The following TOX3 variants were observed in gnomAD, a reference collection of about 807,000 sequenced individuals.
TOX3 encodes TOX high mobility group box family member 3.
TOX3 carries 22 observed loss-of-function variants against 64.3 expected under a neutral mutation model. The observed-to-expected ratio is 0.34, with a 90% CI of 0.24 to 0.49. TOX3 has a LOEUF of 0.49. TOX3 is among the 20% of genes least tolerant of loss of function. TOX3 has a pLI of 0.99. For missense variants in TOX3, 661 were observed against 714.4 expected (o/e 0.93, Z 0.85); for synonymous variants, 291 against 273.6 (o/e 1.06, Z -0.63).
intron 3 of TOX3, 102 bp downstream of exon 3, chr16:52,463,832 T>C (rs1259966083): frequency 3.7e-6 from 5 of 1,367,236 alleles, no homozygotes; most frequent in Non-Finnish European, 3.8e-6. Context: ...ATCAATCCAC[T>C]AGGAACAGGC....
chr16:52,465,470 GTTTT>G, intron 2 of TOX3, among the ~76,000 whole-genome samples: 1 of 104,004 alleles, frequency 9.6e-6, no homozygotes, highest in East Asian at 2.7e-4. Flanking sequence ...TTTCTTTTTG[GTTTT>G]TTTTTTTTTT....
In TOX3 at chr16:52,450,330, T is replaced by C. The variant is rs1960295443; in HGVS notation, c.625A>G (p.Thr209Ala). 1.2e-6 allele frequency: 2 copies of C among 1,613,554 alleles called. No individual in the cohort carries two copies. Among genetic ancestry groups the C allele is most frequent in the African/African-American group, 2.7e-5 (2 of 74,814 alleles). The change falls in exon 4 of 7, where the codon ACT (threonine) becomes GCT (alanine). Residue 209 changes from threonine (T) to alanine (A), a missense_variant. Thr to Ala is a moderately conservative substitution (Grantham distance 58). Transcript: ENST00000219746. ...SPSPPASKSA[T>A]PSPSSSINEE... ...TTGATGGAGCTGGAAGGGGAGGGAG[T>C]GGCTGATTTGCTTGCTGGAGGTGAA...
At chr16:52,503,795 T>A (rs577514930) in intron 1 of TOX3, among the ~76,000 whole-genome samples, 2 of 152,346 alleles carry the variant, frequency 1.3e-5, no homozygotes, top group East Asian at 3.9e-4. Context: ...ACAACATACA[T>A]GTTGTAAATT....
intron 1 of TOX3, among the ~76,000 whole-genome samples, chr16:52,491,569 A>T (rs1408774150): frequency 3.3e-5 from 5 of 152,156 alleles, no homozygotes; most frequent in Non-Finnish European, 7.3e-5. Flanking sequence ...ACCTTGTTTG[A>T]TCATCAGAGT....
intron 1 of TOX3, among the ~76,000 whole-genome samples, chr16:52,493,047 G>A (rs1961739468): frequency 6.6e-6 from 1 of 152,114 alleles, no homozygotes; most frequent in South Asian, 2.1e-4. Flanking sequence ...CACAGAGCAA[G>A]TGGACAGAAC....
chr16:52,439,210 C>T lies in TOX3; in HGVS notation c.*15G>A. 6.2e-7 allele frequency: 1 copy of T among 1,613,788 alleles called. No homozygotes were observed. The highest frequency in any genetic ancestry group is 2.2e-5 in the East Asian group (1 of 44,852). On this transcript the variant is annotated 3_prime_UTR_variant, in exon 7 of 7. Coordinates refer to ENST00000219746, the MANE Select transcript of TOX3 (RefSeq NM_001080430.4). ...CTCTCCTTGGTATACGCAAATCCGT[C>T]TGCCATATGCGTCTTCAGAAAATAC...
chr16:52,439,572 G>C lies in TOX3; in HGVS notation c.1384C>G (p.Gln462Glu). 2.6e-6 allele frequency: 4 copies of C among 1,563,218 alleles called. No individual in the cohort carries two copies. Among genetic ancestry groups the C allele is most frequent in the Non-Finnish European group, 2.6e-6 (3 of 1,146,014 alleles). The change falls in exon 7 of 7, where the codon CAG becomes GAG. Residue 462 changes from glutamine (Q) to glutamate (E), a missense_variant. Gln to Glu is a conservative substitution (Grantham distance 29, BLOSUM62 2). Transcript: ENST00000219746. ...TGCATTTGGTGCTGCTGGAGTTGCT[G>C]CTGCTGCATCTGTTGCATCTGTTGT... Reference protein sequence around the residue: ...QQQQMQQMQQQQLQQHQMHQQ... With the variant: ...QQQQMQQMQQEQLQQHQMHQQ...
intron 1 of TOX3, among the ~76,000 whole-genome samples, chr16:52,490,932 G>C (rs1239026449): frequency 6.6e-6 from 1 of 152,028 alleles, no homozygotes; most frequent in African/African-American, 2.4e-5. Flanking sequence ...CCTGGCCTAA[G>C]ATGTGATTTT....
intron 4 of TOX3, among the ~76,000 whole-genome samples, chr16:52,446,434 T>C (rs553811627): frequency 6.6e-6 from 1 of 152,318 alleles, no homozygotes; most frequent in African/African-American, 2.4e-5. Context: ...CCCAGAAGTA[T>C]CTTCAATACG....
chr16:52,471,668 C>A (rs1961048429), intron 1 of TOX3, among the ~76,000 whole-genome samples: 1 of 152,124 alleles, frequency 6.6e-6, no homozygotes, highest in African/African-American at 2.4e-5. Flanking sequence ...AACTTCAATG[C>A]CTCCTAATCG....
intron 1 of TOX3, among the ~76,000 whole-genome samples, chr16:52,537,878 T>TAAAAAAAAAAAAAAAA (rs57403617): frequency 9.0e-6 from 1 of 111,026 alleles, no homozygotes; most frequent in African/African-American, 3.3e-5. Flanking sequence ...GCTGATATGA[T>TAAAAAAAAAAAAAAAA]AAAAAAAAAA....
At position 52,532,005 on chromosome 16, in the gene TOX3, A is replaced by G. The variant is rs58035650; in HGVS notation, c.87+14632T>C. Among the ~76,000 whole-genome samples, 777 of 152,242 alleles carry G rather than the reference A, an allele frequency of 5.1e-3. 2 individuals carry two copies. The highest frequency in any genetic ancestry group is 0.018 in the African/African-American group (751 of 41,540). Reference sequence around the variant, plus strand: ...GGCACTGAAAAAAACAGAAATTCAAAGGGGAGTTTGGGGGGCAGTGGGGAT... The same window carrying G: ...GGCACTGAAAAAAACAGAAATTCAAGGGGGAGTTTGGGGGGCAGTGGGGAT... On this transcript the variant is annotated intron_variant, in intron 1 of 6. Coordinates refer to ENST00000219746, the MANE Select transcript of TOX3 (RefSeq NM_001080430.4).
chr16:52,444,466 C>G (rs1045090409), intron 5 of TOX3, 110 bp from the exon 6 acceptor site: 5 of 845,156 alleles, frequency 5.9e-6, no homozygotes, highest in Middle Eastern at 5.4e-4. Context: ...AAAGGTTGGT[C>G]TCCTTGGCTT....
chr16:52,523,662 T>C (rs1962662443), intron 1 of TOX3, among the ~76,000 whole-genome samples: 1 of 152,220 alleles, frequency 6.6e-6, no homozygotes, highest in Non-Finnish European at 1.5e-5. Flanking sequence ...TGGGGATTTA[T>C]ATACTGCAAA....
At chr16:52,502,700 C>T (rs1390597845) in intron 1 of TOX3, among the ~76,000 whole-genome samples, 7 of 152,140 alleles carry the variant, frequency 4.6e-5, no homozygotes, top group Non-Finnish European at 2.9e-5. Flanking sequence ...AAATTTTTGA[C>T]ACCAACATAA....
intron 1 of TOX3, chr16:52,475,790 C>T (rs1567325098): frequency 6.6e-6 from 1 of 152,048 alleles, no homozygotes; most frequent in Non-Finnish European, 1.5e-5. Flanking sequence ...AAGTGTTGTG[C>T]TAAGGACTGC....
At chr16:52,522,488 G>A (rs59219331) in intron 1 of TOX3, among the ~76,000 whole-genome samples, 3,086 of 152,248 alleles carry the variant, frequency 0.02, 105 homozygotes, top group African/African-American at 0.069. Context: ...AAGAAGTCTC[G>A]TCTCTTGCAG....
intron 1 of TOX3, among the ~76,000 whole-genome samples, chr16:52,542,211 G>A (rs1033747619): frequency 1.3e-5 from 2 of 152,124 alleles, no homozygotes; most frequent in Non-Finnish European, 2.9e-5. Context: ...GTCTTCACAG[G>A]TGTCACAAAT....
chr16:52,514,236 A>G (rs74017852), intron 1 of TOX3, among the ~76,000 whole-genome samples: 3,043 of 152,328 alleles, frequency 0.02, 98 homozygotes, highest in African/African-American at 0.068. Context: ...TAGGCTCCAC[A>G]TCCATGTTGC....
Sources: allele counts gnomAD v4.1 joint callset (sites outside exome capture counted in the v4.1 genomes callset), GRCh38; gene constraint gnomAD v4.1.1; transcripts MANE v1.5; gene names NCBI Gene and HGNC (gene_info 2026-07-23, HGNC 2026-07-21).